The following RFX3 variants were observed in gnomAD, a reference collection of about 807,000 sequenced individuals.
The protein encoded by RFX3 is regulatory factor X3.
RFX3 carries 14 observed loss-of-function variants against 98.6 expected under a neutral mutation model. The ratio of observed to expected loss-of-function variants is 0.14; its 90% CI spans 0.09 to 0.22. RFX3 has a LOEUF of 0.22. Ranked by LOEUF, RFX3 falls within the 10% of genes least tolerant of loss-of-function variation. The pLI is 1.00. For synonymous variants in RFX3, 383 were observed against 328.4 expected, an observed-to-expected ratio of 1.17 and a Z score of -1.80; for missense variants, 639 against 926.9, an observed-to-expected ratio of 0.69 and a Z score of 4.03.
At chr9:3,475,227 C>T (rs1028445860) in intron 1 of RFX3, among the ~76,000 whole-genome samples, 1 of 151,800 alleles carries the variant, frequency 6.6e-6, no homozygotes, top group African/African-American at 2.4e-5. Context: ...GGGTCCAGCC[C>T]CACAGGGTCA....
intron 1 of RFX3, among the ~76,000 whole-genome samples, chr9:3,505,253 A>AATGTATATTTATATATATATGG (rs1816866045): frequency 1.4e-5 from 1 of 71,718 alleles, no homozygotes; most frequent in South Asian, 5.3e-4. Flanking sequence ...TATATATATG[A>AATGTATATTTATATATATATGG]ATATATATTT....
intron 4 of RFX3, among the ~76,000 whole-genome samples, chr9:3,328,833 T>C (rs945452751): frequency 6.6e-6 from 1 of 152,186 alleles, no homozygotes; most frequent in Non-Finnish European, 1.5e-5. Context: ...TACTATTTTC[T>C]CCCCAATTTA....
In RFX3 at chr9:3,470,647, C is replaced by T. The variant is rs552023405; in HGVS notation, c.-9+55100G>A. ...CGGGCCAAAGCCCAAATTCTTTTCACAGCCCGATACTAGCTCCAGAGTTCT... is the reference window on the plus strand; with the variant it reads ...CGGGCCAAAGCCCAAATTCTTTTCATAGCCCGATACTAGCTCCAGAGTTCT... On this transcript the variant is annotated intron_variant, in intron 1 of 16. Transcript: ENST00000617270. 2.6e-5 allele frequency among the ~76,000 whole-genome samples: 4 copies of T among 152,208 alleles called. No individual in the cohort carries two copies. In the East Asian group the frequency reaches 7.7e-4, roughly 29 times the overall value.
Position 3,388,106 on chromosome 9 carries a change from G to C in RFX3, c.117+7366C>G, listed in dbSNP as rs544351743. ...TCATCGGTATAATTCTAATTATCAG[G>C]GTTTCTTACTGGTTGTAACGACATA... On this transcript the variant is annotated intron_variant, in intron 2 of 16. Coordinates refer to ENST00000617270, the MANE Select transcript of RFX3 (RefSeq NM_001282116.2). Among the ~76,000 whole-genome samples, 18 of 152,050 alleles carry C rather than the reference G, an allele frequency of 1.2e-4. No homozygotes were observed. In the South Asian group the frequency reaches 3.7e-3, roughly 32 times the overall value.
At chr9:3,301,819 C>A (rs1828695405) in intron 4 of RFX3, among the ~76,000 whole-genome samples, 199 bp from the exon 5 acceptor site, 1 of 151,792 alleles carries the variant, frequency 6.6e-6, no homozygotes, top group Non-Finnish European at 1.5e-5. Flanking sequence ...AATAATAAGC[C>A]CATTCACAAA....
At chr9:3,270,668 A>T in intron 10 of RFX3, 143 bp from the exon 11 acceptor site, 1 of 803,234 alleles carries the variant, frequency 1.2e-6, no homozygotes, top group South Asian at 1.8e-5. Context: ...AGCTGGCTAT[A>T]TATACCGAGA....
At chr9:3,247,661 T>C in intron 15 of RFX3, 3 of 1,423,080 alleles carry the variant, frequency 2.1e-6, no homozygotes, top group East Asian at 2.6e-5. Flanking sequence ...GTCTACAAAA[T>C]ACATATTTAA....
At chr9:3,241,108 T>TA (rs1475509246) in intron 15 of RFX3, among the ~76,000 whole-genome samples, 1 of 152,200 alleles carries the variant, frequency 6.6e-6, no homozygotes, top group Non-Finnish European at 1.5e-5. Flanking sequence ...CTAAGCTCTT[T>TA]AGGGAAATTG....
chr9:3,524,630 T>G (rs1453044910), intron 1 of RFX3: 1 of 984,108 alleles, frequency 1.0e-6, no homozygotes. Context: ...CAAAGCTTCC[T>G]TGTGTCCCTT....
intron 1 of RFX3, among the ~76,000 whole-genome samples, chr9:3,410,288 A>G (rs1842355481): frequency 6.7e-6 from 1 of 150,232 alleles, no homozygotes; most frequent in Admixed American, 6.7e-5. Context: ...GTTTTTCTCT[A>G]TCTACCAAAA....
chr9:3,372,925 C>T (rs12002215), intron 2 of RFX3, among the ~76,000 whole-genome samples: 28,939 of 151,952 alleles, frequency 0.19, 4,918 homozygotes, highest in African/African-American at 0.46. Flanking sequence ...CTTCCATTTT[C>T]TACTTAAATC....
intron 1 of RFX3, among the ~76,000 whole-genome samples, chr9:3,433,223 T>G (rs1844809734): frequency 6.6e-6 from 1 of 152,058 alleles, no homozygotes; most frequent in African/African-American, 2.4e-5. Context: ...TTCCATAAAG[T>G]CACACAAAGT....
chr9:3,242,635 G>A (rs1030479899), intron 15 of RFX3, among the ~76,000 whole-genome samples: 2 of 151,924 alleles, frequency 1.3e-5, no homozygotes, highest in African/African-American at 4.8e-5. Flanking sequence ...CTTTCACTGA[G>A]CTTTTATCCC....
intron 15 of RFX3, among the ~76,000 whole-genome samples, chr9:3,244,010 T>TA (rs1041459029): frequency 6.6e-6 from 1 of 150,842 alleles, no homozygotes; most frequent in South Asian, 2.1e-4. Context: ...TTTTATTATT[T>TA]TTTTTTTTTG....
intron 1 of RFX3, among the ~76,000 whole-genome samples, chr9:3,474,492 A>C (rs1443981837): frequency 2.0e-5 from 3 of 152,218 alleles, no homozygotes; most frequent in Non-Finnish European, 2.9e-5. Context: ...CATTGGTTAT[A>C]AGACTTCCCC....
At chr9:3,366,713 T>TCTTTCTTTCTTTCTTTCTTTCTTTC (rs1563994219) in intron 2 of RFX3, among the ~76,000 whole-genome samples, 4 of 138,978 alleles carry the variant, frequency 2.9e-5, no homozygotes, top group African/African-American at 8.0e-5. Flanking sequence ...TTTCTTTCTT[T>TCTTTCTTTCTTTCTTTCTTTCTTTC]CTTTCTTTCT....
At chr9:3,436,909 A>ATTCTGG (rs1186890493) in intron 1 of RFX3, among the ~76,000 whole-genome samples, 4 of 151,976 alleles carry the variant, frequency 2.6e-5, no homozygotes, top group African/African-American at 9.7e-5. Flanking sequence ...ATGTCAATCA[A>ATTCTGG]TTCTGGTAAC....
intron 1 of RFX3, among the ~76,000 whole-genome samples, chr9:3,398,914 TAAA>T (rs71324247): frequency 0.02 from 1,384 of 67,548 alleles, 14 homozygotes; most frequent in African/African-American, 0.058. Context: ...TAGAGTATAA[TAAA>T]AAAAAAAAAA....
At chr9:3,509,653 G>C (rs1238700728) in intron 1 of RFX3, among the ~76,000 whole-genome samples, 1 of 151,698 alleles carries the variant, frequency 6.6e-6, no homozygotes, top group Non-Finnish European at 1.5e-5. Flanking sequence ...AATTACATTT[G>C]GAAATAATTA....
Sources: gnomAD v4.1 joint callset for allele counts (sites outside exome capture counted in the v4.1 genomes callset) on GRCh38, gnomAD v4.1.1 for gene constraint, MANE v1.5 for transcripts, NCBI Gene and HGNC (gene_info 2026-07-23, HGNC 2026-07-21) for gene names.